Variants in CACNB2 observed in about 807,000 individuals in gnomAD.
CACNB2 encodes the protein calcium voltage-gated channel auxiliary subunit beta 2, also known as voltage-dependent L-type calcium channel subunit beta-2.
A neutral mutation model predicts 73.3 loss-of-function variants in CACNB2; 42 were observed. That is an observed-to-expected ratio of 0.57 (90% CI 0.45 to 0.74). The LOEUF is 0.74. Ranked by LOEUF, CACNB2 falls within the 30% of genes least tolerant of loss-of-function variation. The pLI is 0.00. For missense variants in CACNB2, 940 were observed against 853.0 expected (o/e 1.10, Z -1.27); for synonymous variants, 348 against 310.3 (o/e 1.12, Z -1.28).
chr10:18,530,021 G>C (rs894425522), intron 10 of CACNB2, among the ~76,000 whole-genome samples: 2 of 152,146 alleles, frequency 1.3e-5, no homozygotes, highest in African/African-American at 4.8e-5. Flanking sequence ...GCATGTGCAG[G>C]GGAACTCCCC....
chr10:18,193,969 A>G (rs991665350), intron 2 of CACNB2, among the ~76,000 whole-genome samples: 4 of 152,166 alleles, frequency 2.6e-5, no homozygotes, highest in African/African-American at 9.7e-5. Context: ...AGAAAAAAAT[A>G]AAAAGAAAAA....
chr10:18,488,496 A>T (rs1016110702), intron 3 of CACNB2, among the ~76,000 whole-genome samples: 2 of 151,026 alleles, frequency 1.3e-5, no homozygotes, highest in African/African-American at 2.4e-5. Flanking sequence ...AAAAAAAAAA[A>T]AAAGAAAATC....
intron 2 of CACNB2, among the ~76,000 whole-genome samples, chr10:18,247,294 G>A (rs371015955): frequency 5.3e-5 from 8 of 152,098 alleles, no homozygotes; most frequent in East Asian, 3.9e-4. Flanking sequence ...CCTAGACATC[G>A]TATCTTTTTC....
At position 18,514,538 on chromosome 10, in the gene CACNB2, T is replaced by C. The variant is rs754087516; in HGVS notation, c.804+169T>C. On this transcript the variant is annotated intron_variant, in intron 7 of 13. Coordinates refer to ENST00000324631, the MANE Select transcript of CACNB2 (RefSeq NM_201596.3). Reference sequence around the variant, plus strand: ...AAGCAGAAGCAGAAATCGGTAAGTTTACATTGACATAAGCTGTGTTTATCC... The same window carrying C: ...AAGCAGAAGCAGAAATCGGTAAGTTCACATTGACATAAGCTGTGTTTATCC... 9.3e-6 allele frequency: 15 copies of C among 1,613,662 alleles called. No individual in the cohort carries two copies. The East Asian group carries it at 3.1e-4, about 34-fold the overall frequency.
At chr10:18,231,471 G>A (rs928584669) in intron 2 of CACNB2, among the ~76,000 whole-genome samples, 1 of 152,204 alleles carries the variant, frequency 6.6e-6, no homozygotes, top group Non-Finnish European at 1.5e-5. Flanking sequence ...GAGCCACCAT[G>A]CCACGCCATG....
rs765269766 is a variant in CACNB2 at position 18,536,098 on chromosome 10, C to T, written c.1207-3C>T. ...TCTGTTAAAAACTCATTATCTTTTACAGGTTTTACAAAGGTTAATAAAATC... is the reference window on the plus strand; with the variant it reads ...TCTGTTAAAAACTCATTATCTTTTATAGGTTTTACAAAGGTTAATAAAATC... On this transcript the variant is annotated splice_region_variant and splice_polypyrimidine_tract_variant and intron_variant, in intron 11 of 13. Transcript: ENST00000324631. The T allele has an allele frequency of 3.2e-6, 5 of 1,564,040 alleles. No homozygotes were observed. The highest frequency in any genetic ancestry group is 1.7e-4 in the Middle Eastern group (1 of 5,990).
intron 12 of CACNB2, among the ~76,000 whole-genome samples, chr10:18,536,421 GCTAA>G (rs945915995): frequency 2.0e-5 from 3 of 151,332 alleles, no homozygotes; most frequent in African/African-American, 7.3e-5. Context: ...ACCATGATCG[GCTAA>G]CTTTTTTTTT....
At chr10:18,180,715 C>T (rs963413129) in intron 2 of CACNB2, among the ~76,000 whole-genome samples, 1 of 152,076 alleles carries the variant, frequency 6.6e-6, no homozygotes, top group Non-Finnish European at 1.5e-5. Context: ...TCCTGTAATC[C>T]TAGCACTTTG....
intron 2 of CACNB2, among the ~76,000 whole-genome samples, chr10:18,363,949 A>T (rs1187231125): frequency 2.2e-5 from 3 of 139,242 alleles, no homozygotes; most frequent in East Asian, 2.1e-4. Context: ...AGGCAGTTTA[A>T]TTTTTTTTTT....
chr10:18,319,675 G>C (rs1027493177), intron 2 of CACNB2, among the ~76,000 whole-genome samples: 5 of 152,006 alleles, frequency 3.3e-5, no homozygotes, highest in Non-Finnish European at 7.4e-5. Flanking sequence ...TTTAATTTTT[G>C]AAAAAGAATA....
chr10:18,325,132 C>T (rs1189285604), intron 2 of CACNB2, among the ~76,000 whole-genome samples: 1 of 152,120 alleles, frequency 6.6e-6, no homozygotes, highest in Non-Finnish European at 1.5e-5. Flanking sequence ...CCAGAGCATC[C>T]CCGTTTTTTA....
At chr10:18,172,161 G>C (rs1212827944) in intron 2 of CACNB2, among the ~76,000 whole-genome samples, 1 of 152,106 alleles carries the variant, frequency 6.6e-6, no homozygotes, top group African/African-American at 2.4e-5. Flanking sequence ...TCAGGAGTTC[G>C]AGACCAGCCT....
At chr10:18,273,887 A>T (rs980465065) in intron 2 of CACNB2, among the ~76,000 whole-genome samples, 2 of 152,214 alleles carry the variant, frequency 1.3e-5, no homozygotes, top group East Asian at 3.8e-4. Flanking sequence ...TCAAGGTACA[A>T]CTTTAACTAC....
chr10:18,294,228 C>A (rs546964703), intron 2 of CACNB2, among the ~76,000 whole-genome samples: 1 of 152,344 alleles, frequency 6.6e-6, no homozygotes, highest in South Asian at 2.1e-4. Flanking sequence ...AGTGGACCAC[C>A]ACCTTCTTTC....
At chr10:18,185,163 C>A (rs1313124884) in intron 2 of CACNB2, among the ~76,000 whole-genome samples, 4 of 152,016 alleles carry the variant, frequency 2.6e-5, no homozygotes, top group African/African-American at 9.7e-5. Context: ...GTGACCTTGA[C>A]GGTTTTGAAG....
At chr10:18,449,241 C>T (rs886563080) in intron 3 of CACNB2, among the ~76,000 whole-genome samples, 10 of 151,792 alleles carry the variant, frequency 6.6e-5, no homozygotes, top group East Asian at 1.9e-4. Context: ...AAAAATTAGC[C>T]GGGCGTGGTG....
At chr10:18,311,138 AT>A (rs2039949141) in intron 2 of CACNB2, among the ~76,000 whole-genome samples, 2 of 151,874 alleles carry the variant, frequency 1.3e-5, no homozygotes, top group South Asian at 4.2e-4. Context: ...AGTTCCTTGT[AT>A]TTTTGTTTCC....
intron 4 of CACNB2, among the ~76,000 whole-genome samples, chr10:18,499,943 C>G (rs2050102580): frequency 6.6e-6 from 1 of 152,000 alleles, no homozygotes; most frequent in Non-Finnish European, 1.5e-5. Flanking sequence ...TGCACTCCAG[C>G]CTGGGCGACA....
intron 3 of CACNB2, among the ~76,000 whole-genome samples, chr10:18,437,289 G>T (rs7071123): frequency 0.9 from 137,392 of 152,172 alleles, 62,340 homozygotes; most frequent in African/African-American, 0.98. Flanking sequence ...GGATAAGGAT[G>T]TGGAGAGAGG....
Sources: allele counts gnomAD v4.1 joint callset (sites outside exome capture counted in the v4.1 genomes callset), GRCh38; gene constraint gnomAD v4.1.1; transcripts MANE v1.5; gene names NCBI Gene and HGNC (gene_info 2026-07-23, HGNC 2026-07-21).